The following CHODL variants were observed in gnomAD, a reference collection of about 807,000 sequenced individuals.
The protein encoded by CHODL is chondrolectin.
CHODL carries 29 observed loss-of-function variants against 34.5 expected under a neutral mutation model. The ratio of observed to expected loss-of-function variants is 0.84; its 90% confidence interval spans 0.63 to 1.15. The LOEUF (loss-of-function observed/expected upper bound fraction) is 1.15. Ranked by LOEUF, CHODL falls within the 50% of genes most tolerant of loss-of-function variation. CHODL has a pLI of 0.00. For synonymous variants in CHODL, 125 were observed against 116.1 expected (o/e 1.08, Z -0.49); for missense variants, 332 against 332.5 (o/e 1.00, Z 0.01).
intron 2 of CHODL, among the ~76,000 whole-genome samples, chr21:18,160,388 TAGG>T (rs2073082213): frequency 6.6e-6 from 1 of 152,196 alleles, no homozygotes; most frequent in Non-Finnish European, 1.5e-5. Context: ...GTTTGTTACA[TAGG>T]TAAACTTGTG....
At chr21:18,238,147 G>C (rs548352853) in intron 2 of CHODL, among the ~76,000 whole-genome samples, 28 of 152,194 alleles carry the variant, frequency 1.8e-4, no homozygotes, top group South Asian at 1.7e-3. Flanking sequence ...ACTTGGGTTA[G>C]AGAAAACCAG....
At chr21:18,204,232 C>T (rs968518832) in intron 2 of CHODL, among the ~76,000 whole-genome samples, 7 of 152,096 alleles carry the variant, frequency 4.6e-5, no homozygotes, top group Middle Eastern at 3.4e-3. Flanking sequence ...AATTATTTAG[C>T]GAGTCTGTGA....
chr21:17,966,555 T>C (rs2063573603), intron 1 of CHODL, among the ~76,000 whole-genome samples: 1 of 152,166 alleles, frequency 6.6e-6, no homozygotes, highest in Admixed American at 6.5e-5. Context: ...GGAAACACAC[T>C]AAAAGCATGG....
chr21:18,182,548 G>A (rs1379332772), intron 2 of CHODL, among the ~76,000 whole-genome samples: 1 of 152,126 alleles, frequency 6.6e-6, no homozygotes, highest in Non-Finnish European at 1.5e-5. Flanking sequence ...GGAAAAAAAG[G>A]ATCTGTTGGT....
intron 2 of CHODL, among the ~76,000 whole-genome samples, chr21:18,093,567 G>A (rs2146532979): frequency 6.6e-6 from 1 of 152,110 alleles, no homozygotes; most frequent in East Asian, 1.9e-4. Flanking sequence ...ATAAAGATAA[G>A]CAATAACAAA....
chr21:18,248,937 ATT>A (rs2074193617), intron 1 of CHODL, among the ~76,000 whole-genome samples: 1 of 113,332 alleles, frequency 8.8e-6, no homozygotes, highest in African/African-American at 4.0e-5. Flanking sequence ...ATACATATAT[ATT>A]ATGTATACAT....
intron 2 of CHODL, among the ~76,000 whole-genome samples, chr21:18,095,265 A>T (rs2065126046): frequency 6.6e-6 from 1 of 152,192 alleles, no homozygotes; most frequent in Admixed American, 6.5e-5. Flanking sequence ...TTAGACAGAC[A>T]AACTGAGAGA....
intron 1 of CHODL, among the ~76,000 whole-genome samples, chr21:17,952,275 CTATTTT>C (rs2063465081): frequency 6.9e-6 from 1 of 145,066 alleles, no homozygotes. Flanking sequence ...ACAAGGAAAA[CTATTTT>C]TAGGTACTTC....
chr21:17,931,281 C>G (rs527428355), intron 1 of CHODL, among the ~76,000 whole-genome samples: 2 of 152,268 alleles, frequency 1.3e-5, no homozygotes, highest in Admixed American at 6.5e-5. Context: ...ACCTACTGGT[C>G]TGGAGGTTGA....
chr21:18,171,244 G>A (rs1425493413), intron 2 of CHODL, among the ~76,000 whole-genome samples: 1 of 96,460 alleles, frequency 1.0e-5, no homozygotes, highest in African/African-American at 4.3e-5. Flanking sequence ...CTGTCGCCCA[G>A]GCCAGACTGC....
chr21:18,094,421 C>A (rs2065112934), intron 2 of CHODL, among the ~76,000 whole-genome samples: 1 of 152,108 alleles, frequency 6.6e-6, no homozygotes, highest in Admixed American at 6.6e-5. Context: ...CATTCTTCTC[C>A]TCAGCACGTA....
intron 2 of CHODL, among the ~76,000 whole-genome samples, chr21:18,167,307 A>C (rs1173863390): frequency 8.1e-6 from 1 of 123,382 alleles, no homozygotes; most frequent in Admixed American, 8.9e-5. Flanking sequence ...TTTTCTATTA[A>C]GATTTTTTTT....
chr21:18,254,470 G>A (rs1725161322), intron 1 of CHODL, among the ~76,000 whole-genome samples: 1 of 152,102 alleles, frequency 6.6e-6, no homozygotes, highest in South Asian at 2.1e-4. Context: ...GTAACAGAGA[G>A]GGATCCTTGG....
intron 2 of CHODL, among the ~76,000 whole-genome samples, chr21:18,125,278 C>T (rs900986153): frequency 1.3e-5 from 2 of 152,334 alleles, no homozygotes; most frequent in Non-Finnish European, 2.9e-5. Flanking sequence ...TTTATTCAGT[C>T]ACCCATTCAG....
intron 1 of CHODL, among the ~76,000 whole-genome samples, chr21:17,932,557 A>T (rs1174983607): frequency 6.6e-6 from 1 of 152,084 alleles, no homozygotes; most frequent in Non-Finnish European, 1.5e-5. Context: ...AAATCAGCCT[A>T]AGTGTCCATC....
At chr21:18,161,255 G>T (rs79233888) in intron 2 of CHODL, among the ~76,000 whole-genome samples, 2,479 of 152,198 alleles carry the variant, frequency 0.016, 40 homozygotes, top group Non-Finnish European at 0.027. Context: ...TTTGGTACTG[G>T]TTTTTTGTAA....
chr21:18,222,491 G>C (rs2073893799), intron 2 of CHODL, among the ~76,000 whole-genome samples: 1 of 152,178 alleles, frequency 6.6e-6, no homozygotes, highest in Non-Finnish European at 1.5e-5. Flanking sequence ...GTGATGTCCT[G>C]GCAGCTCCTT....
intron 2 of CHODL, among the ~76,000 whole-genome samples, chr21:18,193,116 A>G (rs939875161): frequency 1.3e-5 from 2 of 152,224 alleles, no homozygotes; most frequent in Non-Finnish European, 2.9e-5. Flanking sequence ...TTCTTTGGCT[A>G]AATACTGACT....
intron 2 of CHODL, among the ~76,000 whole-genome samples, chr21:18,156,411 A>C (rs1048730190): frequency 6.6e-6 from 1 of 152,218 alleles, no homozygotes; most frequent in African/African-American, 2.4e-5. Context: ...AGTATACATG[A>C]ATACAAACAT....
Sources: gnomAD v4.1 joint callset for allele counts (sites outside exome capture counted in the v4.1 genomes callset) on GRCh38, gnomAD v4.1.1 for gene constraint, MANE v1.5 for transcripts, NCBI Gene and HGNC (gene_info 2026-07-23, HGNC 2026-07-21) for gene names.